MAMDC2: variants seen among roughly 807,000 people sequenced by gnomAD.
The protein encoded by MAMDC2 is MAM domain containing 2, also known as MAM domain-containing protein 2.
MAMDC2 carries 57 observed loss-of-function variants against 89.8 expected under a neutral mutation model. The observed-to-expected ratio is 0.63, with a 90% confidence interval of 0.51 to 0.79. MAMDC2 has a LOEUF of 0.79. Ranked by LOEUF, MAMDC2 falls within the 30% of genes least tolerant of loss-of-function variation. The pLI, the probability that MAMDC2 is intolerant of heterozygous loss-of-function variation, is 0.00. For synonymous variants in MAMDC2, 313 were observed against 293.4 expected (o/e 1.07, Z -0.68); for missense variants, 800 against 820.6 (o/e 0.97, Z 0.31).
At position 70,090,212 on chromosome 9, in the gene MAMDC2, C is replaced by T. The variant is rs1343699380; in HGVS notation, c.149-17999C>T. Among the ~76,000 whole-genome samples the T allele has an allele frequency of 3.3e-5, 5 of 152,014 alleles. No homozygotes were observed. The South Asian group carries it at 8.3e-4, about 25-fold the overall frequency. ...TGTCATCTGGGCATGGTGGCTCACA[C>T]CTGTAATCCCAACACTTTGAGAGGC... On this transcript the variant is annotated intron_variant, in intron 2 of 13. Transcript: ENST00000377182.
chr9:70,172,370 G>A (rs1334699192), intron 11 of MAMDC2, among the ~76,000 whole-genome samples: 1 of 152,160 alleles, frequency 6.6e-6, no homozygotes, highest in East Asian at 1.9e-4. Context: ...TAAAAGAAAG[G>A]AACTTTAAAA....
At chr9:70,056,947 G>A (rs142422642) in intron 2 of MAMDC2, among the ~76,000 whole-genome samples, 12 of 152,120 alleles carry the variant, frequency 7.9e-5, no homozygotes, top group East Asian at 1.9e-4. Flanking sequence ...GCCTCCCATC[G>A]CCCCTAGATG....
intron 2 of MAMDC2, among the ~76,000 whole-genome samples, chr9:70,095,056 AAG>A (rs757233466): frequency 8.5e-5 from 13 of 152,322 alleles, no homozygotes; most frequent in Admixed American, 1.3e-4. Context: ...AGGGATATGA[AAG>A]AGAGTATCCC....
chr9:70,150,930 A>G (rs1279236266), intron 9 of MAMDC2, among the ~76,000 whole-genome samples: 4 of 152,208 alleles, frequency 2.6e-5, no homozygotes, highest in Admixed American at 1.3e-4. Flanking sequence ...AAACTGTTCT[A>G]TGGCCTTCAG....
intron 5 of MAMDC2, among the ~76,000 whole-genome samples, chr9:70,123,818 A>G (rs926717591): frequency 6.6e-6 from 1 of 152,214 alleles, no homozygotes; most frequent in Non-Finnish European, 1.5e-5. Context: ...AAAGATTGCC[A>G]GCACACCACC....
chr9:70,154,396 A>G (rs2031677893), intron 9 of MAMDC2, among the ~76,000 whole-genome samples: 2 of 152,232 alleles, frequency 1.3e-5, no homozygotes, highest in African/African-American at 2.4e-5. Context: ...AAGATAAACT[A>G]TAATCCCTTA....
Position 70,120,073 on chromosome 9 carries a change from T to A in MAMDC2, c.644-6086T>A, listed in dbSNP as rs142464067. Among the ~76,000 whole-genome samples the A allele has an allele frequency of 5.3e-3, 804 of 152,312 alleles. 5 individuals are homozygous for A. The highest frequency in any genetic ancestry group is 0.018 in the African/African-American group (750 of 41,578). On this transcript the variant is annotated intron_variant, in intron 5 of 13. Coordinates refer to ENST00000377182, the MANE Select transcript of MAMDC2 (RefSeq NM_153267.5). Reference sequence around the variant, plus strand: ...TGGAATTACCGCACTGGTAGGCAGTTCTCTTGAGAAGAGTCCTTTTAAGGT... The same window carrying A: ...TGGAATTACCGCACTGGTAGGCAGTACTCTTGAGAAGAGTCCTTTTAAGGT...
At chr9:70,196,166 G>A (rs2032972001) in intron 11 of MAMDC2, among the ~76,000 whole-genome samples, 1 of 151,988 alleles carries the variant, frequency 6.6e-6, no homozygotes, top group Admixed American at 6.6e-5. Flanking sequence ...CAGTATGGGG[G>A]GAACCAATCT....
At chr9:70,114,159 G>T (rs1332105956) in intron 5 of MAMDC2, among the ~76,000 whole-genome samples, 1 of 150,298 alleles carries the variant, frequency 6.7e-6, no homozygotes, top group Non-Finnish European at 1.5e-5. Context: ...TAACCTTACT[G>T]TTCTCTTTGC....
Position 70,122,630 on chromosome 9 carries a change from G to T in MAMDC2, c.644-3529G>T, listed in dbSNP as rs2030335797. Among the ~76,000 whole-genome samples the T allele has an allele frequency of 2.0e-5, 3 of 151,996 alleles. No homozygotes were observed. The South Asian group carries it at 6.2e-4, about 32-fold the overall frequency. The stretch of plus-strand genomic sequence containing the variant: ...GCCTAGGAGCCATGGCATTTTTAGG[G>T]GTCCATGACAATATTTTAATTTTAT... On this transcript the variant is annotated intron_variant, in intron 5 of 13. Transcript: ENST00000377182.
chr9:70,224,228 A>G (rs1174944194), intron 12 of MAMDC2, among the ~76,000 whole-genome samples: 2 of 152,180 alleles, frequency 1.3e-5, no homozygotes, highest in Non-Finnish European at 2.9e-5. Context: ...TAAGAGGAGA[A>G]AGAGAGAGAC....
intron 2 of MAMDC2, among the ~76,000 whole-genome samples, chr9:70,093,525 A>G (rs901959128): frequency 6.6e-6 from 1 of 151,202 alleles, no homozygotes; most frequent in African/African-American, 2.4e-5. Flanking sequence ...TCCCGGGTTC[A>G]AGCAGTTCTC....
At chr9:70,168,878 T>A in intron 10 of MAMDC2, 83 bp downstream of exon 10, 1 of 1,140,072 alleles carries the variant, frequency 8.8e-7, no homozygotes, top group South Asian at 1.3e-5. Flanking sequence ...ATACATTTCA[T>A]CTGTGCTAGT....
At chr9:70,103,547 A>G (rs1437092484) in intron 2 of MAMDC2, among the ~76,000 whole-genome samples, 1 of 152,194 alleles carries the variant, frequency 6.6e-6, no homozygotes, top group African/African-American at 2.4e-5. Flanking sequence ...GAAAAAAAAC[A>G]TAGCTGTAAA....
chr9:70,113,817 C>T (rs1927107), intron 5 of MAMDC2: 24,678 of 152,226 alleles, frequency 0.16, 2,023 homozygotes, highest in East Asian at 0.21. Flanking sequence ...ATTTCATCCT[C>T]GACTCCAAGG....
At chr9:70,141,053 A>G (rs1319069564) in intron 8 of MAMDC2, among the ~76,000 whole-genome samples, 2 of 152,138 alleles carry the variant, frequency 1.3e-5, no homozygotes, top group African/African-American at 4.8e-5. Context: ...TATATACTGG[A>G]GACTGAGGTG....
chr9:70,143,856 G>C (rs751065303), intron 9 of MAMDC2, 37 bp downstream of exon 9: 1 of 1,601,722 alleles, frequency 6.2e-7, no homozygotes, highest in Non-Finnish European at 8.5e-7. Flanking sequence ...TCCATGTTCA[G>C]TTGCTGGACT....
chr9:70,079,183 T>C (rs955791557), intron 2 of MAMDC2: 1 of 152,174 alleles, frequency 6.6e-6, no homozygotes, highest in Non-Finnish European at 1.5e-5. Flanking sequence ...AACCATGCTC[T>C]ACCTGACCCT....
rs2033287111 is a variant in MAMDC2 at position 70,208,816 on chromosome 9, G to C, written c.1652-9521G>C. ...TTGAGATATGTCCCATCAATACCTA[G>C]TTTATTAAGAATTTTTAGCATGAAG... On this transcript the variant is annotated intron_variant, in intron 11 of 13. Transcript: ENST00000377182. Among the ~76,000 whole-genome samples, 3 of 152,148 alleles carry C rather than the reference G, an allele frequency of 2.0e-5. 1 individual carries two copies. The highest frequency in any genetic ancestry group is 2.0e-4 in the Admixed American group (3 of 15,264).
Sources: allele counts gnomAD v4.1 joint callset (sites outside exome capture counted in the v4.1 genomes callset), GRCh38; gene constraint gnomAD v4.1.1; transcripts MANE v1.5; gene names NCBI Gene and HGNC (gene_info 2026-07-23, HGNC 2026-07-21).